SCAPER: variants seen among roughly 807,000 people sequenced by gnomAD.
SCAPER encodes S phase cyclin A-associated protein in the endoplasmic reticulum.
In SCAPER, 98 loss-of-function variants were observed where a neutral mutation model predicts 182.2. The observed-to-expected ratio is 0.54, with a 90% CI of 0.46 to 0.64. SCAPER has a LOEUF of 0.64. Among genes scored for constraint, SCAPER ranks in the 30% least tolerant of loss-of-function variants. The probability of loss-of-function intolerance (pLI) is 0.00; values close to 1 mark genes in which losing one functional copy is unlikely to be tolerated. For synonymous variants in SCAPER, 605 were observed against 564.6 expected (o/e 1.07, Z -1.01); for missense variants, 1,432 against 1,690.0 (o/e 0.85, Z 2.68).
At chr15:76,700,077 T>G (rs1408277693) in intron 20 of SCAPER, among the ~76,000 whole-genome samples, 1 of 152,136 alleles carries the variant, frequency 6.6e-6, no homozygotes, top group Non-Finnish European at 1.5e-5. Flanking sequence ...GCACCTCGTT[T>G]GGGCATCCAA....
chr15:76,819,328 C>T (rs956806958), intron 5 of SCAPER, among the ~76,000 whole-genome samples: 1 of 152,200 alleles, frequency 6.6e-6, no homozygotes, highest in African/African-American at 2.4e-5. Flanking sequence ...TAACTGGGAG[C>T]CACCCCCCAG....
chr15:76,362,736 ATAT>A (rs2041533429), intron 29 of SCAPER, among the ~76,000 whole-genome samples: 3 of 152,170 alleles, frequency 2.0e-5, no homozygotes, highest in African/African-American at 7.2e-5. Context: ...TCTCTCTCTT[ATAT>A]AATCTACATA....
chr15:76,577,815 A>G (rs1318777626), intron 22 of SCAPER, among the ~76,000 whole-genome samples: 6 of 151,732 alleles, frequency 4.0e-5, no homozygotes, highest in Admixed American at 1.3e-4. Context: ...TCTGCTTGAG[A>G]AAAGGGGAGG....
At position 76,597,942 on chromosome 15, in the gene SCAPER, T is replaced by C. The variant is rs1193276173; in HGVS notation, c.2712-23658A>G. The stretch of plus-strand genomic sequence containing the variant: ...AAAGCTATGGCAATAAAAGACAAAA[T>C]TGACAAATGAGATGTAATTAAACTA... On this transcript the variant is annotated intron_variant, in intron 22 of 31. Coordinates refer to ENST00000563290, the MANE Select transcript of SCAPER (RefSeq NM_020843.4). Among the ~76,000 whole-genome samples, 19 of 120,010 alleles carry C rather than the reference T, an allele frequency of 1.6e-4. 3 individuals carry two copies. The highest frequency in any genetic ancestry group is 4.1e-4 in the African/African-American group (16 of 39,496). 78.7% of individuals were successfully genotyped at this position (120,010 alleles called of 152,430 possible).
At chr15:76,471,371 G>C in intron 24 of SCAPER, 36 bp from the exon 25 acceptor site, 1 of 1,573,304 alleles carries the variant, frequency 6.4e-7, no homozygotes, top group Non-Finnish European at 8.6e-7. Context: ...TATAAAACCC[G>C]AGCAGCTCTT....
chr15:76,640,342 T>C (rs1489783439), intron 21 of SCAPER, among the ~76,000 whole-genome samples: 1 of 152,246 alleles, frequency 6.6e-6, no homozygotes, highest in East Asian at 1.9e-4. Flanking sequence ...GATTTTTGTA[T>C]AACTCCGTTT....
At chr15:76,744,814 CAA>C in intron 15 of SCAPER, among the ~76,000 whole-genome samples, 1 of 152,012 alleles carries the variant, frequency 6.6e-6, no homozygotes, top group Non-Finnish European at 1.5e-5. Context: ...ATTATTATAC[CAA>C]AAAGACATGT....
chr15:76,806,414 G>A (rs2066165337), intron 5 of SCAPER, among the ~76,000 whole-genome samples: 1 of 152,092 alleles, frequency 6.6e-6, no homozygotes. Flanking sequence ...CTATCCTACT[G>A]CCAGTACCAC....
At chr15:76,381,357 A>G (rs773590317) in intron 28 of SCAPER, 21 bp downstream of exon 28, 12 of 1,589,816 alleles carry the variant, frequency 7.5e-6, no homozygotes, top group Non-Finnish European at 1.0e-5. Flanking sequence ...GTTAACATCG[A>G]TATAAACCAA....
chr15:76,706,586 C>A (rs1427483706), intron 17 of SCAPER, among the ~76,000 whole-genome samples: 3 of 152,096 alleles, frequency 2.0e-5, no homozygotes, highest in African/African-American at 7.2e-5. Context: ...TCTTCCCATG[C>A]CGGCAGAAGG....
At chr15:76,788,840 CTATTTT>C (rs1313682470) in intron 8 of SCAPER, among the ~76,000 whole-genome samples, 1 of 152,040 alleles carries the variant, frequency 6.6e-6, no homozygotes, top group Non-Finnish European at 1.5e-5. Context: ...TTGTCCCTCT[CTATTTT>C]TATTTTTTTT....
intron 30 of SCAPER, among the ~76,000 whole-genome samples, chr15:76,353,515 TTTA>T (rs1362906406): frequency 1.3e-5 from 2 of 152,230 alleles, no homozygotes; most frequent in Non-Finnish European, 2.9e-5. Flanking sequence ...ATAACAGGTT[TTTA>T]TTTTATACAT....
intron 22 of SCAPER, among the ~76,000 whole-genome samples, chr15:76,580,016 A>G (rs1417983164): frequency 6.6e-6 from 1 of 152,218 alleles, no homozygotes; most frequent in Non-Finnish European, 1.5e-5. Context: ...GCACACAGAT[A>G]TGTAAAGCAA....
chr15:76,386,351 A>G (rs4886800), intron 27 of SCAPER, among the ~76,000 whole-genome samples: 47,479 of 152,158 alleles, frequency 0.31, 8,591 homozygotes, highest in East Asian at 0.58. Context: ...GAACCTAGTC[A>G]TTCATGATTC....
intron 10 of SCAPER, among the ~76,000 whole-genome samples, chr15:76,767,560 A>T (rs2063189902): frequency 6.6e-6 from 1 of 152,172 alleles, no homozygotes; most frequent in African/African-American, 2.4e-5. Flanking sequence ...AATAATAAAA[A>T]TATACATGAG....
chr15:76,478,645 G>A lies in SCAPER; in HGVS notation c.2955-7310C>T, dbSNP rs145276581. Reference sequence around the variant, plus strand: ...GGTGTGTTGTGTGAGACAGGAGCCCGAATTTATTTTTCCCATGAAGAGGTA... The same window carrying A: ...GGTGTGTTGTGTGAGACAGGAGCCCAAATTTATTTTTCCCATGAAGAGGTA... On this transcript the variant is annotated intron_variant, in intron 24 of 31. Coordinates refer to ENST00000563290, the MANE Select transcript of SCAPER (RefSeq NM_020843.4). 3.9e-3 allele frequency among the ~76,000 whole-genome samples: 592 copies of A among 152,148 alleles called. 4 individuals carry two copies. Among genetic ancestry groups the A allele is most frequent in the Non-Finnish European group, 6.7e-3 (454 of 67,950 alleles).
chr15:76,602,677 T>G (rs1328806459), intron 22 of SCAPER, among the ~76,000 whole-genome samples: 6 of 120,838 alleles, frequency 5.0e-5, no homozygotes, highest in African/African-American at 1.5e-4. Context: ...CCTCCTCACT[T>G]TCTTTTCCCT....
At chr15:76,575,899 T>C (rs2047783000) in intron 22 of SCAPER, among the ~76,000 whole-genome samples, 1 of 152,250 alleles carries the variant, frequency 6.6e-6, no homozygotes, top group Non-Finnish European at 1.5e-5. Flanking sequence ...CTAGAAGCTA[T>C]TGTATTGAAC....
At chr15:76,422,116 G>T (rs1361823833) in intron 26 of SCAPER, among the ~76,000 whole-genome samples, 1 of 152,076 alleles carries the variant, frequency 6.6e-6, no homozygotes, top group Non-Finnish European at 1.5e-5. Flanking sequence ...CCCTTTTTTG[G>T]TTCCACATGA....
Sources: allele counts gnomAD v4.1 joint callset (sites outside exome capture counted in the v4.1 genomes callset), GRCh38; gene constraint gnomAD v4.1.1; transcripts MANE v1.5; gene names NCBI Gene and HGNC (gene_info 2026-07-23, HGNC 2026-07-21).